Variants in SDK2 observed in about 807,000 individuals in gnomAD.
The protein encoded by SDK2 is sidekick cell adhesion molecule 2, also known as protein sidekick-2.
In SDK2, 105 loss-of-function variants were observed where a neutral mutation model predicts 253.9. The observed-to-expected ratio is 0.41, with a 90% confidence interval of 0.35 to 0.49. The LOEUF is 0.49. SDK2 is among the 20% of genes least tolerant of loss of function. The probability of loss-of-function intolerance (pLI) is 0.06; values close to 1 mark genes in which losing one functional copy is unlikely to be tolerated. For synonymous variants in SDK2, 1,249 were observed against 1,234.9 expected (o/e 1.01, Z -0.24); for missense variants, 2,608 against 3,003.0 (o/e 0.87, Z 3.07).
chr17:73,509,614 A>AC lies in SDK2; in HGVS notation c.65-2018dup, dbSNP rs572653619. Among the ~76,000 whole-genome samples the AC allele has an allele frequency of 1.4e-4, 18 of 124,196 alleles. 1 individual carries two copies. In the South Asian group the frequency reaches 2.3e-3, roughly 16 times the overall value. 81.5% of individuals were successfully genotyped at this position (124,196 alleles called of 152,430 possible). On this transcript the variant is annotated intron_variant, in intron 1 of 44. Transcript: ENST00000392650. ...ATACCAGATTGGGCGACATGGTGAGACCCCCTCTTCACCAAAAAAAAAAAA... is the reference window on the plus strand; with the variant it reads ...ATACCAGATTGGGCGACATGGTGAGACCCCCCTCTTCACCAAAAAAAAAAAA...
At chr17:73,636,042 T>C (rs1448311564) in intron 1 of SDK2, among the ~76,000 whole-genome samples, 1 of 152,180 alleles carries the variant, frequency 6.6e-6, no homozygotes, top group Non-Finnish European at 1.5e-5. Flanking sequence ...CCAGCCCGTC[T>C]TCAAACAGTA....
intron 1 of SDK2, among the ~76,000 whole-genome samples, chr17:73,589,338 G>A (rs1328130276): frequency 6.6e-6 from 1 of 152,260 alleles, no homozygotes; most frequent in African/African-American, 2.4e-5. Context: ...GGTGCTCAAA[G>A]CATTCAGAAA....
At chr17:73,500,728 A>G (rs1040408023) in intron 2 of SDK2, among the ~76,000 whole-genome samples, 2 of 122,990 alleles carry the variant, frequency 1.6e-5, no homozygotes, top group Admixed American at 8.2e-5. Context: ...TCCTCTGTCC[A>G]TCCTCCCTCC....
chr17:73,423,031 T>TAAAC (rs2063245602), intron 14 of SDK2, among the ~76,000 whole-genome samples: 1 of 123,542 alleles, frequency 8.1e-6, no homozygotes, highest in Admixed American at 9.6e-5. Flanking sequence ...CAAAAATGAA[T>TAAAC]AAATAAATAA....
chr17:73,404,344 G>A (rs535838327), intron 18 of SDK2, among the ~76,000 whole-genome samples: 162 of 152,284 alleles, frequency 1.1e-3, no homozygotes, highest in Non-Finnish European at 1.7e-3. Flanking sequence ...CAGGGAGAGA[G>A]ACAGTAAAAT....
intron 1 of SDK2, among the ~76,000 whole-genome samples, chr17:73,559,727 T>C (rs2045202296): frequency 6.6e-6 from 1 of 151,074 alleles, no homozygotes; most frequent in Non-Finnish European, 1.5e-5. Context: ...CCCCTCCCCC[T>C]TTCTTTTCTT....
chr17:73,409,889 CTG>C (rs2063112127), intron 18 of SDK2, among the ~76,000 whole-genome samples: 1 of 152,170 alleles, frequency 6.6e-6, no homozygotes, highest in Non-Finnish European at 1.5e-5. Context: ...GGGTCTCACT[CTG>C]TCACTCGGGC....
chr17:73,530,893 G>A (rs4788853), intron 1 of SDK2, among the ~76,000 whole-genome samples: 57,551 of 151,930 alleles, frequency 0.38, 11,261 homozygotes, highest in East Asian at 0.6. Flanking sequence ...CTCTGACAAG[G>A]GGCATAAGAC....
At chr17:73,466,434 C>T (rs2063597749) in intron 3 of SDK2, among the ~76,000 whole-genome samples, 1 of 152,132 alleles carries the variant, frequency 6.6e-6, no homozygotes, top group African/African-American at 2.4e-5. Context: ...AGTAACTTGC[C>T]TAAGGTCACT....
chr17:73,608,359 T>C (rs2045933115), intron 1 of SDK2, among the ~76,000 whole-genome samples: 1 of 152,160 alleles, frequency 6.6e-6, no homozygotes, highest in Non-Finnish European at 1.5e-5. Flanking sequence ...GCTGGCAACA[T>C]GCCTCGTCGC....
At chr17:73,412,437 C>T (rs1707897858) in intron 18 of SDK2, among the ~76,000 whole-genome samples, 2 of 151,892 alleles carry the variant, frequency 1.3e-5, no homozygotes, top group South Asian at 4.1e-4. Context: ...CATGCCTGGT[C>T]TACTGCTATT....
At chr17:73,358,741 G>C (rs1429749825) in intron 39 of SDK2, among the ~76,000 whole-genome samples, 3 of 152,064 alleles carry the variant, frequency 2.0e-5, no homozygotes, top group Admixed American at 2.0e-4. Context: ...CCTCATTCCT[G>C]CCTAAAATCC....
At chr17:73,571,832 C>T (rs2045391743) in intron 1 of SDK2, among the ~76,000 whole-genome samples, 1 of 152,150 alleles carries the variant, frequency 6.6e-6, no homozygotes, top group Non-Finnish European at 1.5e-5. Context: ...CCTCCCTGGG[C>T]ATTTCCCAGC....
chr17:73,362,012 C>T (rs528964357), intron 38 of SDK2, among the ~76,000 whole-genome samples, 167 bp from the exon 39 acceptor site: 1 of 152,308 alleles, frequency 6.6e-6, no homozygotes, highest in Admixed American at 6.5e-5. Context: ...CCACATTGCC[C>T]ATGCTGTGTT....
chr17:73,536,036 G>A (rs141430033), intron 1 of SDK2, among the ~76,000 whole-genome samples: 5 of 152,132 alleles, frequency 3.3e-5, no homozygotes, highest in African/African-American at 9.6e-5. Context: ...CTGGTTCCAC[G>A]TGCTTTGCCT....
rs1021716452 is a variant in SDK2 at position 73,338,146 on chromosome 17, A to G, written c.*441T>C. ...GATGCCCATTCTTTTTGCAGAGAGCAGCGGCAGTGGGTCCAGGGGTCCTGG... is the reference window on the plus strand; with the variant it reads ...GATGCCCATTCTTTTTGCAGAGAGCGGCGGCAGTGGGTCCAGGGGTCCTGG... On this transcript the variant is annotated 3_prime_UTR_variant, in exon 45 of 45. Coordinates refer to ENST00000392650, the MANE Select transcript of SDK2 (RefSeq NM_001144952.2). The surrounding 1 kb of genome is among the most constrained non-coding windows in gnomAD (Gnocchi z 5.0). 3.4e-6 allele frequency: 1 copy of G among 290,030 alleles called. No homozygotes were observed. The highest frequency in any genetic ancestry group is 2.3e-5 in the African/African-American group (1 of 44,228). 18.0% of individuals were successfully genotyped at this position (290,030 alleles called of 1,614,324 possible).
chr17:73,442,365 G>A (rs914303537), intron 5 of SDK2, among the ~76,000 whole-genome samples: 3 of 149,278 alleles, frequency 2.0e-5, no homozygotes, highest in Admixed American at 1.3e-4. Flanking sequence ...TTTTTTGGAC[G>A]GAGTCTGGCT....
At chr17:73,633,241 C>T (rs1010934106) in intron 1 of SDK2, among the ~76,000 whole-genome samples, 9 of 152,216 alleles carry the variant, frequency 5.9e-5, no homozygotes, top group African/African-American at 9.6e-5. Flanking sequence ...GCTCTTACTA[C>T]GCCACCGCCC....
At chr17:73,607,267 C>G (rs1179469883) in intron 1 of SDK2, among the ~76,000 whole-genome samples, 1 of 152,228 alleles carries the variant, frequency 6.6e-6, no homozygotes, top group African/African-American at 2.4e-5. Context: ...CCCTAGCAGG[C>G]AGCTGTAGAA....
Sources: gnomAD v4.1 joint callset for allele counts (sites outside exome capture counted in the v4.1 genomes callset) on GRCh38, gnomAD v4.1.1 for gene constraint, Gnocchi (gnomAD v3.1) non-coding constraint, MANE v1.5 for transcripts, NCBI Gene and HGNC (gene_info 2026-07-23, HGNC 2026-07-21) for gene names.